GBE1: variants seen among roughly 807,000 people sequenced by gnomAD.
GBE1 encodes the protein 1,4-alpha-glucan branching enzyme 1.
Under a neutral mutation model 88.8 loss-of-function variants are expected in GBE1, and 70 were observed. That is an observed-to-expected ratio of 0.79 (90% confidence interval 0.65 to 0.96). The LOEUF is 0.96. GBE1 is among the 40% of genes least tolerant of loss of function. The pLI is 0.00. For missense variants in GBE1, 872 were observed against 871.0 expected (o/e 1.00, Z -0.01); for synonymous variants, 284 against 300.1 (o/e 0.95, Z 0.56).
intron 12 of GBE1, among the ~76,000 whole-genome samples, chr3:81,541,458 CG>C (rs111635805): frequency 0.021 from 3,197 of 149,402 alleles, 85 homozygotes; most frequent in African/African-American, 0.042. Flanking sequence ...TTGCCCCCCC[CG>C]CCACCTCGCC....
chr3:81,702,118 T>A (rs368254811), intron 2 of GBE1, among the ~76,000 whole-genome samples: 61,066 of 122,450 alleles, frequency 0.5, 14,480 homozygotes, highest in African/African-American at 0.58. Context: ...TGTGTGTGTG[T>A]GTGTGTGTGT....
intron 7 of GBE1, among the ~76,000 whole-genome samples, chr3:81,596,299 T>TA (rs1409828323): frequency 6.6e-6 from 1 of 151,950 alleles, no homozygotes; most frequent in Non-Finnish European, 1.5e-5. Flanking sequence ...CTTTTTTTTT[T>TA]ATTATACTTT....
At chr3:81,653,407 G>A (rs941365952) in intron 3 of GBE1, among the ~76,000 whole-genome samples, 8 of 152,014 alleles carry the variant, frequency 5.3e-5, no homozygotes, top group Non-Finnish European at 8.8e-5. Context: ...GACAGCTTGA[G>A]CCAAAGAGTT....
intron 3 of GBE1, among the ~76,000 whole-genome samples, chr3:81,659,637 C>T (rs1328150129): frequency 6.6e-6 from 1 of 151,300 alleles, no homozygotes; most frequent in East Asian, 1.9e-4. Context: ...TATGAGCCAC[C>T]GCACCCGGCC....
intron 7 of GBE1, among the ~76,000 whole-genome samples, chr3:81,611,596 A>T (rs940075501): frequency 1.3e-5 from 2 of 152,190 alleles, no homozygotes; most frequent in Non-Finnish European, 2.9e-5. Context: ...GAAATGAGCT[A>T]TCTTACAAGA....
chr3:81,704,787 C>G (rs1045517721), intron 2 of GBE1, among the ~76,000 whole-genome samples: 5 of 152,040 alleles, frequency 3.3e-5, no homozygotes, highest in Non-Finnish European at 5.9e-5. Flanking sequence ...AAGAATAAAA[C>G]TTAGTAGATT....
intron 15 of GBE1, among the ~76,000 whole-genome samples, chr3:81,492,116 G>A (rs564962260): frequency 6.6e-6 from 1 of 152,304 alleles, no homozygotes; most frequent in African/African-American, 2.4e-5. Context: ...AATGTCTCAT[G>A]TTCTGTTTTG....
At chr3:81,606,311 T>C (rs1015233112) in intron 7 of GBE1, among the ~76,000 whole-genome samples, 3 of 152,218 alleles carry the variant, frequency 2.0e-5, no homozygotes, top group South Asian at 2.1e-4. Flanking sequence ...TTTCTTCATA[T>C]ATAATGACAC....
At chr3:81,570,408 T>C (rs562862972) in intron 12 of GBE1, among the ~76,000 whole-genome samples, 12 of 152,280 alleles carry the variant, frequency 7.9e-5, no homozygotes, top group Admixed American at 2.6e-4. Context: ...TTCTCATAAG[T>C]GTGAGCAAGA....
At chr3:81,574,440 G>A (rs1226922784) in intron 12 of GBE1, among the ~76,000 whole-genome samples, 1 of 152,162 alleles carries the variant, frequency 6.6e-6, no homozygotes, top group African/African-American at 2.4e-5. Flanking sequence ...CTGAGCCGAT[G>A]AAGGCATAGT....
intron 15 of GBE1, among the ~76,000 whole-genome samples, chr3:81,495,204 C>A (rs190090424): frequency 6.6e-6 from 1 of 152,236 alleles, no homozygotes; most frequent in African/African-American, 2.4e-5. Flanking sequence ...GCCTGGCCAA[C>A]ATGATGAAAC....
chr3:81,737,570 G>C (rs570914064), intron 1 of GBE1, among the ~76,000 whole-genome samples: 23 of 150,820 alleles, frequency 1.5e-4, no homozygotes, highest in Middle Eastern at 7.0e-3. Context: ...CTGAAATTGA[G>C]AGTAAGCATT....
Position 81,570,296 on chromosome 3 carries a change from G to A in GBE1, c.1618+7629C>T, listed in dbSNP as rs188510309. Among the ~76,000 whole-genome samples, 430 of 152,248 alleles carry A rather than the reference G, an allele frequency of 2.8e-3. 2 individuals are homozygous for A. The highest frequency in any genetic ancestry group is 6.3e-3 in the Admixed American group (97 of 15,290). ...CAGAAATCTATGGGATTAAGAATTT[G>A]TACCATTTGTTCAAAGTATCCTGAT... On this transcript the variant is annotated intron_variant, in intron 12 of 15. Coordinates refer to ENST00000429644, the MANE Select transcript of GBE1 (RefSeq NM_000158.4).
chr3:81,606,214 ATTTAGAGAATTCAG>A (rs1704099735), intron 7 of GBE1, among the ~76,000 whole-genome samples: 1 of 152,232 alleles, frequency 6.6e-6, no homozygotes, highest in African/African-American at 2.4e-5. Context: ...ATCTGATGAA[ATTTAGAGAATTCAG>A]TCTATGCTTT....
chr3:81,638,104 T>C (rs1704616330), intron 7 of GBE1, among the ~76,000 whole-genome samples: 1 of 152,136 alleles, frequency 6.6e-6, no homozygotes, highest in South Asian at 2.1e-4. Context: ...CCAAATATTA[T>C]ATATAGTGTC....
chr3:81,756,708 T>C (rs1243430690), intron 1 of GBE1, among the ~76,000 whole-genome samples: 1 of 152,154 alleles, frequency 6.6e-6, no homozygotes, highest in Non-Finnish European at 1.5e-5. Context: ...ATCTCTAAGC[T>C]GTGTCCCAAA....
Position 81,747,068 on chromosome 3 carries a change from C to T in GBE1, c.143+14307G>A, listed in dbSNP as rs186306872. 2.3e-3 allele frequency among the ~76,000 whole-genome samples: 351 copies of T among 151,812 alleles called. 2 individuals carry two copies. The highest frequency in any genetic ancestry group is 8.2e-3 in the African/African-American group (339 of 41,386). On this transcript the variant is annotated intron_variant, in intron 1 of 15. Coordinates refer to ENST00000429644, the MANE Select transcript of GBE1 (RefSeq NM_000158.4). Reference sequence around the variant, plus strand: ...AATAAACCTGGACTTAAACCTAAAACATTACACAAAAAATTAATGCACAAT... The same window carrying T: ...AATAAACCTGGACTTAAACCTAAAATATTACACAAAAAATTAATGCACAAT...
chr3:81,709,153 A>G (rs1705818976), intron 1 of GBE1, among the ~76,000 whole-genome samples: 1 of 152,206 alleles, frequency 6.6e-6, no homozygotes, highest in African/African-American at 2.4e-5. Flanking sequence ...TTATTCAAGA[A>G]CATAAAAAAA....
At chr3:81,638,189 C>A (rs1704617960) in intron 7 of GBE1, among the ~76,000 whole-genome samples, 1 of 152,044 alleles carries the variant, frequency 6.6e-6, no homozygotes, top group African/African-American at 2.4e-5. Context: ...TTTCTGAAAA[C>A]AACTCTAGTT....
Sources: allele counts gnomAD v4.1 joint callset (sites outside exome capture counted in the v4.1 genomes callset), GRCh38; gene constraint gnomAD v4.1.1; transcripts MANE v1.5; gene names NCBI Gene and HGNC (gene_info 2026-07-23, HGNC 2026-07-21).